The following CAMK1D variants were observed in gnomAD, a reference collection of about 807,000 sequenced individuals.
The protein encoded by CAMK1D is calcium/calmodulin dependent protein kinase ID, also known as calcium/calmodulin-dependent protein kinase type 1D.
In CAMK1D, 9 loss-of-function variants were observed where a neutral mutation model predicts 47.7. The ratio of observed to expected loss-of-function variants is 0.19; its 90% CI spans 0.11 to 0.33. The LOEUF is 0.33. Among genes scored for constraint, CAMK1D ranks in the 10% least tolerant of loss-of-function variants. The pLI is 1.00. For synonymous variants in CAMK1D, 184 were observed against 184.9 expected, an observed-to-expected ratio of 0.99 and a Z score of 0.04; for missense variants, 291 against 488.7, an observed-to-expected ratio of 0.60 and a Z score of 3.81.
chr10:12,350,702 G>T (rs1301330331), intron 1 of CAMK1D, among the ~76,000 whole-genome samples: 1 of 152,250 alleles, frequency 6.6e-6, no homozygotes, highest in Non-Finnish European at 1.5e-5. Flanking sequence ...TTCTGCCCAG[G>T]AGTTGGGTCT....
intron 6 of CAMK1D, among the ~76,000 whole-genome samples, chr10:12,807,398 C>T (rs948774466): frequency 2.0e-5 from 3 of 152,120 alleles, no homozygotes; most frequent in African/African-American, 7.2e-5. Flanking sequence ...TCTCTCCTCC[C>T]GGCCCATGCT....
At chr10:12,572,384 C>G (rs1044707199) in intron 2 of CAMK1D, among the ~76,000 whole-genome samples, 6 of 152,186 alleles carry the variant, frequency 3.9e-5, no homozygotes, top group Non-Finnish European at 8.8e-5. Context: ...GTACTTCATC[C>G]TGAAATCATC....
chr10:12,667,080 T>C, intron 3 of CAMK1D: 1 of 368,944 alleles, frequency 2.7e-6, no homozygotes, highest in Non-Finnish European at 4.9e-6. Context: ...TTGCAGGGTG[T>C]CTGTATTGCT....
chr10:12,398,759 A>G (rs1321860093), intron 1 of CAMK1D, among the ~76,000 whole-genome samples: 1 of 152,020 alleles, frequency 6.6e-6, no homozygotes, highest in Non-Finnish European at 1.5e-5. Flanking sequence ...TTGGAAATAT[A>G]TCTCCTAATA....
chr10:12,468,988 A>C (rs1833671897), intron 1 of CAMK1D, among the ~76,000 whole-genome samples: 2 of 152,090 alleles, frequency 1.3e-5, no homozygotes, highest in Admixed American at 6.5e-5. Flanking sequence ...AGCAGTCTAC[A>C]TAGCGTCCTG....
At chr10:12,542,481 CTAATTTGGGATGGATA>C (rs1300369942) in intron 1 of CAMK1D, among the ~76,000 whole-genome samples, 1 of 152,166 alleles carries the variant, frequency 6.6e-6, no homozygotes, top group African/African-American at 2.4e-5. Flanking sequence ...ATTTCTTGGT[CTAATTTGGGATGGATA>C]TAATTTCACC....
intron 5 of CAMK1D, 85 bp downstream of exon 5, chr10:12,769,884 G>T: frequency 6.7e-7 from 1 of 1,481,486 alleles, no homozygotes; most frequent in East Asian, 2.3e-5. Context: ...CTCATCAGTT[G>T]TGTGAAACAT....
intron 2 of CAMK1D, among the ~76,000 whole-genome samples, chr10:12,636,257 T>C (rs943738474): frequency 6.6e-6 from 1 of 152,244 alleles, no homozygotes; most frequent in African/African-American, 2.4e-5. Flanking sequence ...TAAGGTGCTA[T>C]ACCAGGTATT....
chr10:12,735,998 T>A (rs911338235), intron 3 of CAMK1D, among the ~76,000 whole-genome samples: 1 of 152,184 alleles, frequency 6.6e-6, no homozygotes, highest in African/African-American at 2.4e-5. Flanking sequence ...TCCCTCTGGT[T>A]GAGACTTGGC....
chr10:12,635,360 G>A (rs1839485726), intron 2 of CAMK1D, among the ~76,000 whole-genome samples: 1 of 152,200 alleles, frequency 6.6e-6, no homozygotes, highest in African/African-American at 2.4e-5. Flanking sequence ...TTTAGTAAAC[G>A]TAGTCAATGA....
intron 1 of CAMK1D, among the ~76,000 whole-genome samples, chr10:12,439,043 T>A (rs1832710557): frequency 6.6e-6 from 1 of 152,072 alleles, no homozygotes; most frequent in African/African-American, 2.4e-5. Context: ...TAAAATAGAG[T>A]CATTTGCCCG....
At chr10:12,729,581 A>T (rs944361114) in intron 3 of CAMK1D, among the ~76,000 whole-genome samples, 5 of 152,084 alleles carry the variant, frequency 3.3e-5, no homozygotes, top group African/African-American at 1.2e-4. Context: ...GTGAGCTATG[A>T]TGTTGCCACT....
chr10:12,789,679 T>C (rs745823428), intron 5 of CAMK1D, among the ~76,000 whole-genome samples: 2 of 152,234 alleles, frequency 1.3e-5, no homozygotes, highest in Non-Finnish European at 2.9e-5. Flanking sequence ...TGACCTCTCA[T>C]ACCTCTGTGT....
At chr10:12,521,921 ACTT>A (rs1429480821) in intron 1 of CAMK1D, among the ~76,000 whole-genome samples, 1 of 151,912 alleles carries the variant, frequency 6.6e-6, no homozygotes, top group Non-Finnish European at 1.5e-5. Context: ...TATGCATGAT[ACTT>A]CTTCTCCCAT....
chr10:12,411,604 T>C (rs1839658082), intron 1 of CAMK1D, among the ~76,000 whole-genome samples: 1 of 148,514 alleles, frequency 6.7e-6, no homozygotes, highest in African/African-American at 2.5e-5. Context: ...CTGGCTTCTT[T>C]TTTTTTTTTT....
intron 1 of CAMK1D, among the ~76,000 whole-genome samples, chr10:12,527,079 A>T (rs1280299746): frequency 6.6e-6 from 1 of 152,076 alleles, no homozygotes; most frequent in Non-Finnish European, 1.5e-5. Context: ...GAACCCTTTT[A>T]TTCCCACTTT....
intron 1 of CAMK1D, among the ~76,000 whole-genome samples, chr10:12,442,554 T>C (rs1016012271): frequency 6.6e-5 from 10 of 152,244 alleles, no homozygotes; most frequent in African/African-American, 2.4e-4. Context: ...CTGTGAATGT[T>C]TTATTTCAGA....
intron 1 of CAMK1D, among the ~76,000 whole-genome samples, chr10:12,380,669 A>T (rs1037432663): frequency 6.6e-6 from 1 of 152,198 alleles, no homozygotes; most frequent in Non-Finnish European, 1.5e-5. Flanking sequence ...ATCCTGGCTA[A>T]CACGGTGAAA....
chr10:12,568,618 T>C (rs1247940303), intron 2 of CAMK1D, among the ~76,000 whole-genome samples: 1 of 150,564 alleles, frequency 6.6e-6, no homozygotes, highest in African/African-American at 2.4e-5. Context: ...CTTTCTTTTT[T>C]TTATTCATCT....
Sources: gnomAD v4.1 joint callset for allele counts (sites outside exome capture counted in the v4.1 genomes callset) on GRCh38, gnomAD v4.1.1 for gene constraint, MANE v1.5 for transcripts, NCBI Gene and HGNC (gene_info 2026-07-23, HGNC 2026-07-21) for gene names.